The following CASK variants were observed in gnomAD, a reference collection of about 807,000 sequenced individuals.
CASK encodes peripheral plasma membrane protein CASK.
A neutral mutation model predicts 82.9 loss-of-function variants in CASK; 4 were observed. The observed-to-expected ratio is 0.05, with a 90% CI of 0.02 to 0.11. The LOEUF is 0.11. Ranked by LOEUF, CASK falls within the 10% of genes least tolerant of loss-of-function variation. The pLI is 1.00. For synonymous variants in CASK, 259 were observed against 253.5 expected, an observed-to-expected ratio of 1.02 and a Z score of -0.20; for missense variants, 358 against 720.9, an observed-to-expected ratio of 0.50 and a Z score of 5.76.
intron 8 of CASK, among the ~76,000 whole-genome samples, chrX:41,649,011 A>G (rs2066815200): frequency 2.7e-5 from 3 of 111,342 alleles, no homozygotes. Context: ...GAATTTATCC[A>G]TTTCTTCTAG....
At chrX:41,811,323 T>C (rs191519508) in intron 2 of CASK, among the ~76,000 whole-genome samples, 97 of 112,010 alleles carry the variant, frequency 8.7e-4, no homozygotes, top group African/African-American at 3.0e-3. Context: ...ACTGACCACA[T>C]AGTTGGAAGG....
intron 5 of CASK, among the ~76,000 whole-genome samples, chrX:41,675,477 A>C (rs1320946150): frequency 8.9e-6 from 1 of 112,131 alleles, no homozygotes; most frequent in Admixed American, 9.4e-5. Flanking sequence ...GTGAAGCCAC[A>C]ATGTACCAAA....
intron 26 of CASK, 28 bp downstream of exon 26, chrX:41,523,923 A>G: frequency 1.9e-6 from 2 of 1,080,976 alleles, no homozygotes; most frequent in Non-Finnish European, 2.6e-6. Context: ...CTTACAGCTT[A>G]TTTGGGGAAA....
At chrX:41,684,232 A>T (rs1432169463) in intron 5 of CASK, among the ~76,000 whole-genome samples, 4 of 111,793 alleles carry the variant, frequency 3.6e-5, no homozygotes, top group Non-Finnish European at 7.5e-5. Flanking sequence ...TAGTAATTTT[A>T]CAAGGGAGAA....
At chrX:41,687,681 G>A (rs970500602) in intron 5 of CASK, among the ~76,000 whole-genome samples, 8 of 110,887 alleles carry the variant, frequency 7.2e-5, no homozygotes, top group Non-Finnish European at 1.5e-4. Flanking sequence ...AGATGGGGCT[G>A]GGCGCAATGG....
At chrX:41,810,415 G>T (rs1234611111) in intron 2 of CASK, among the ~76,000 whole-genome samples, 1 of 112,073 alleles carries the variant, frequency 8.9e-6, no homozygotes. Context: ...CCAGAAGAGA[G>T]TGGGGGCCAA....
chrX:41,798,460 C>T (rs1252712022), intron 2 of CASK, among the ~76,000 whole-genome samples: 1 of 112,653 alleles, frequency 8.9e-6, no homozygotes, highest in African/African-American at 3.2e-5. Flanking sequence ...CCCATTTAAC[C>T]TCGCAATAAT....
intron 1 of CASK, among the ~76,000 whole-genome samples, chrX:41,911,549 T>C (rs970740504): frequency 8.9e-6 from 1 of 112,469 alleles, no homozygotes; most frequent in African/African-American, 3.2e-5. Context: ...ACTGTTAAGA[T>C]GTAGAAATTG....
chrX:41,640,388 G>A (rs1164510167), intron 8 of CASK, among the ~76,000 whole-genome samples: 1 of 110,623 alleles, frequency 9.0e-6, no homozygotes, highest in Non-Finnish European at 1.9e-5. Flanking sequence ...ATATTTAGTA[G>A]AGATGGGGTT....
chrX:41,813,584 A>T (rs1447371479), intron 2 of CASK, among the ~76,000 whole-genome samples: 3 of 111,752 alleles, frequency 2.7e-5, no homozygotes, highest in Non-Finnish European at 3.8e-5. Context: ...CTTATATAAA[A>T]ATTAATTCAA....
intron 22 of CASK, among the ~76,000 whole-genome samples, chrX:41,540,679 C>T (rs769723513): frequency 8.9e-6 from 1 of 112,193 alleles, no homozygotes; most frequent in East Asian, 2.8e-4. Context: ...CACCATCTAA[C>T]GGGAATCAGA....
chrX:41,815,230 A>G (rs2070390046), intron 2 of CASK, among the ~76,000 whole-genome samples: 2 of 112,404 alleles, frequency 1.8e-5, no homozygotes, highest in Non-Finnish European at 3.8e-5. Context: ...GACACAGTAG[A>G]GAGACCTCAC....
intron 5 of CASK, among the ~76,000 whole-genome samples, chrX:41,678,242 T>C (rs2067300119): frequency 9.0e-6 from 1 of 111,653 alleles, no homozygotes; most frequent in Non-Finnish European, 1.9e-5. Context: ...GGTCTGTACA[T>C]TGCATTTGAT....
intron 8 of CASK, among the ~76,000 whole-genome samples, chrX:41,651,534 G>A (rs2147433728): frequency 9.0e-6 from 1 of 111,428 alleles, no homozygotes; most frequent in Admixed American, 9.5e-5. Flanking sequence ...GGGACTGCAG[G>A]TGCGCACCAC....
chrX:41,914,521 A>T (rs1436366346), intron 1 of CASK, among the ~76,000 whole-genome samples: 1 of 112,446 alleles, frequency 8.9e-6, no homozygotes, highest in Non-Finnish European at 1.9e-5. Flanking sequence ...AGGTGATGGG[A>T]GAAGAAATGT....
At chrX:41,562,555 A>C (rs2065244070) in intron 16 of CASK, 1 of 112,436 alleles carries the variant, frequency 8.9e-6, no homozygotes, top group South Asian at 3.6e-4. Flanking sequence ...AATGTAATTA[A>C]GTTAGAAGTA....
chrX:41,737,194 T>C (rs913604), intron 5 of CASK, among the ~76,000 whole-genome samples: 2,368 of 111,554 alleles, frequency 0.021, 64 homozygotes, highest in African/African-American at 0.073. Flanking sequence ...GAGAGACGTT[T>C]TGAATGAGAG....
intron 17 of CASK, 85 bp from the exon 18 acceptor site, chrX:41,559,932 A>C: frequency 1.3e-6 from 1 of 768,653 alleles, no homozygotes; most frequent in Non-Finnish European, 2.0e-6. Context: ...CTCAAAACAC[A>C]TGGGGGCAAT....
chrX:41,780,418 C>T (rs2069450847), intron 3 of CASK, among the ~76,000 whole-genome samples: 1 of 111,593 alleles, frequency 9.0e-6, no homozygotes, highest in African/African-American at 3.3e-5. Context: ...GGTCAATCAT[C>T]TCTTGACCTG....
Sources: allele counts gnomAD v4.1 joint callset (sites outside exome capture counted in the v4.1 genomes callset), GRCh38; gene constraint gnomAD v4.1.1; transcripts MANE v1.5; gene names NCBI Gene and HGNC (gene_info 2026-07-23, HGNC 2026-07-21).